The following CNTNAP2 variants were observed in gnomAD, a reference collection of about 807,000 sequenced individuals.
CNTNAP2 encodes the protein contactin associated protein 2.
A neutral mutation model predicts 155.2 loss-of-function variants in CNTNAP2; 98 were observed. That is an observed-to-expected ratio of 0.63 (90% CI 0.54 to 0.75). The LOEUF (loss-of-function observed/expected upper bound fraction) is 0.75. Among genes scored for constraint, CNTNAP2 ranks in the 30% least tolerant of loss-of-function variants. The probability of loss-of-function intolerance (pLI) is 0.00; values close to 1 mark genes in which losing one functional copy is unlikely to be tolerated. For missense variants in CNTNAP2, 1,727 were observed against 1,688.1 expected, an observed-to-expected ratio of 1.02 and a Z score of -0.40; for synonymous variants, 651 against 631.2, an observed-to-expected ratio of 1.03 and a Z score of -0.47.
At chr7:146,309,509 A>G (rs1337268186) in intron 1 of CNTNAP2, among the ~76,000 whole-genome samples, 2 of 152,130 alleles carry the variant, frequency 1.3e-5, no homozygotes, top group East Asian at 3.9e-4. Flanking sequence ...TCTGTTAAGA[A>G]AGGAGAAATA....
At chr7:147,826,904 C>T (rs1798460481) in intron 13 of CNTNAP2, among the ~76,000 whole-genome samples, 1 of 151,658 alleles carries the variant, frequency 6.6e-6, no homozygotes, top group Non-Finnish European at 1.5e-5. Context: ...AGTGGATATC[C>T]CCCTTTACAT....
chr7:148,219,565 TG>T (rs1466421004), intron 19 of CNTNAP2, among the ~76,000 whole-genome samples: 1 of 152,096 alleles, frequency 6.6e-6, no homozygotes, highest in Non-Finnish European at 1.5e-5. Context: ...GGCATGAAGG[TG>T]CACACTTGTG....
At chr7:146,721,841 T>G (rs1801335712) in intron 1 of CNTNAP2, among the ~76,000 whole-genome samples, 1 of 125,182 alleles carries the variant, frequency 8.0e-6, no homozygotes, top group Non-Finnish European at 1.6e-5. Context: ...ATAGTCTATA[T>G]ATATATTCTA....
At chr7:146,922,020 A>G (rs1205628110) in intron 3 of CNTNAP2, among the ~76,000 whole-genome samples, 2 of 152,162 alleles carry the variant, frequency 1.3e-5, no homozygotes, top group Non-Finnish European at 2.9e-5. Context: ...TGCCACCCAT[A>G]ATAGAAAATT....
At chr7:147,848,847 C>G (rs570454278) in intron 13 of CNTNAP2, among the ~76,000 whole-genome samples, 1 of 151,980 alleles carries the variant, frequency 6.6e-6, no homozygotes, top group Non-Finnish European at 1.5e-5. Context: ...ACACAAAAGA[C>G]CAAACCTCTC....
intron 1 of CNTNAP2, among the ~76,000 whole-genome samples, chr7:146,730,003 C>T (rs1297275675): frequency 6.6e-6 from 1 of 152,214 alleles, no homozygotes; most frequent in East Asian, 1.9e-4. Context: ...AATGGCTCTG[C>T]TCCTGCTTCA....
chr7:147,079,875 A>G (rs1563068701), intron 4 of CNTNAP2, among the ~76,000 whole-genome samples: 1 of 152,118 alleles, frequency 6.6e-6, no homozygotes, highest in Non-Finnish European at 1.5e-5. Context: ...ACTTACTGTC[A>G]TGTGTCATCA....
intron 12 of CNTNAP2, among the ~76,000 whole-genome samples, chr7:147,593,191 A>G (rs1265447639): frequency 6.7e-6 from 1 of 149,914 alleles, no homozygotes; most frequent in Non-Finnish European, 1.5e-5. Flanking sequence ...ATAATGGTGC[A>G]CTTTCTTAAG....
intron 1 of CNTNAP2, among the ~76,000 whole-genome samples, chr7:146,613,658 TA>T (rs1469982357): frequency 6.6e-6 from 1 of 152,188 alleles, no homozygotes; most frequent in Non-Finnish European, 1.5e-5. Flanking sequence ...ACATATTTTT[TA>T]AATTAACGAT....
chr7:146,478,411 G>A (rs1307734819), intron 1 of CNTNAP2, among the ~76,000 whole-genome samples: 3 of 151,970 alleles, frequency 2.0e-5, no homozygotes, highest in Non-Finnish European at 4.4e-5. Flanking sequence ...AAGCTGGTTT[G>A]ACATTTTTGC....
In CNTNAP2 at chr7:147,106,163, C is replaced by G. The variant is rs1028011660; in HGVS notation, c.551-1984C>G. Among the ~76,000 whole-genome samples the G allele has an allele frequency of 3.9e-5, 6 of 152,098 alleles. No homozygotes were observed. The East Asian group carries it at 9.7e-4, about 25-fold the overall frequency. ...AATATTTTATGTCAATTAAAATATG[C>G]TAAAGGTGTATAAAACAAGATGTGT... On this transcript the variant is annotated intron_variant, in intron 4 of 23. Coordinates refer to ENST00000361727, the MANE Select transcript of CNTNAP2 (RefSeq NM_014141.6).
chr7:148,264,155 A>G (rs1474628835), intron 20 of CNTNAP2, among the ~76,000 whole-genome samples: 4 of 152,240 alleles, frequency 2.6e-5, no homozygotes, highest in South Asian at 2.1e-4. Flanking sequence ...ACTGTGTACT[A>G]TGTATCCATA....
chr7:147,224,086 C>A (rs1803469040), intron 8 of CNTNAP2, among the ~76,000 whole-genome samples: 1 of 152,198 alleles, frequency 6.6e-6, no homozygotes, highest in Non-Finnish European at 1.5e-5. Flanking sequence ...TTTGCTTCAG[C>A]ATGTTGTGAT....
intron 21 of CNTNAP2, among the ~76,000 whole-genome samples, chr7:148,327,474 C>A (rs1797913106): frequency 1.3e-5 from 2 of 152,206 alleles, no homozygotes; most frequent in Non-Finnish European, 2.9e-5. Context: ...ATGCAACTAT[C>A]AAGTGCTATT....
chr7:147,635,118 C>A (rs1261857090), intron 12 of CNTNAP2, among the ~76,000 whole-genome samples: 1 of 151,432 alleles, frequency 6.6e-6, no homozygotes, highest in Non-Finnish European at 1.5e-5. Flanking sequence ...AAGGCAATCC[C>A]CATTCACAGG....
chr7:147,303,070 A>G (rs1794973265), intron 9 of CNTNAP2, among the ~76,000 whole-genome samples: 1 of 152,204 alleles, frequency 6.6e-6, no homozygotes, highest in African/African-American at 2.4e-5. Context: ...GCACAGGATC[A>G]CTAAGTGATG....
At chr7:146,599,298 T>C (rs1292315021) in intron 1 of CNTNAP2, among the ~76,000 whole-genome samples, 1 of 151,984 alleles carries the variant, frequency 6.6e-6, no homozygotes, top group Non-Finnish European at 1.5e-5. Context: ...TCTTCTCTAC[T>C]CAAAGCCCTC....
intron 3 of CNTNAP2, among the ~76,000 whole-genome samples, chr7:146,942,053 TG>T (rs1370947856): frequency 2.6e-5 from 4 of 152,122 alleles, no homozygotes; most frequent in Non-Finnish European, 5.9e-5. Context: ...AGTTTGGAAA[TG>T]TTTCTGCTCC....
At chr7:146,141,045 A>T (rs1299739089) in intron 1 of CNTNAP2, among the ~76,000 whole-genome samples, 1 of 152,216 alleles carries the variant, frequency 6.6e-6, no homozygotes, top group Non-Finnish European at 1.5e-5. Flanking sequence ...GTAGATACAA[A>T]GTATATTGCA....
Sources: allele counts gnomAD v4.1 joint callset (sites outside exome capture counted in the v4.1 genomes callset), GRCh38; gene constraint gnomAD v4.1.1; transcripts MANE v1.5; gene names NCBI Gene and HGNC (gene_info 2026-07-23, HGNC 2026-07-21).